Variants in PCID2 observed in about 807,000 individuals in gnomAD.
PCID2 encodes PCI domain-containing protein 2.
In PCID2, 41 loss-of-function variants were observed where a neutral mutation model predicts 61.3. The observed-to-expected ratio is 0.67, with a 90% confidence interval of 0.52 to 0.87. The LOEUF is 0.87. Among genes scored for constraint, PCID2 ranks in the 40% least tolerant of loss-of-function variants. The pLI is 0.00. For synonymous variants in PCID2, 187 were observed against 177.8 expected (o/e 1.05, Z -0.41); for missense variants, 392 against 493.4 (o/e 0.79, Z 1.95).
chr13:113,208,664 C>T lies in PCID2; in HGVS notation c.-30G>A, dbSNP rs1216123754. 4 of 1,598,060 alleles carry T rather than the reference C, an allele frequency of 2.5e-6. No homozygotes were observed. The highest frequency in any genetic ancestry group is 2.6e-6 in the Non-Finnish European group (3 of 1,173,240). Reference sequence around the variant, plus strand: ...GCGCCGCCGAACGGAGAGCGCCACCCCCTACGCCTCAAGCGGGCCAGCTGG... The same window carrying T: ...GCGCCGCCGAACGGAGAGCGCCACCTCCTACGCCTCAAGCGGGCCAGCTGG... On this transcript the variant is annotated 5_prime_UTR_variant, in exon 1 of 14. Coordinates refer to ENST00000337344, the MANE Select transcript of PCID2 (RefSeq NM_001127202.4).
At position 113,178,145 on chromosome 13, in the gene PCID2, A is replaced by G; in HGVS notation, c.*53T>C. 1 of 1,408,398 alleles carries G rather than the reference A, an allele frequency of 7.1e-7. No homozygotes were observed. Among genetic ancestry groups the G allele is most frequent in the Non-Finnish European group, 1.0e-6 (1 of 995,222 alleles). 87.2% of individuals were successfully genotyped at this position (1,408,398 alleles called of 1,614,324 possible). A position where few individuals can be genotyped will look rare whatever the true frequency, so the allele number is the denominator to read the frequency against. On this transcript the variant is annotated 3_prime_UTR_variant, in exon 14 of 14. Coordinates refer to ENST00000337344, the MANE Select transcript of PCID2 (RefSeq NM_001127202.4). ...AGTACCGGACCGGTCTCATCAGCAC[A>G]ACCAAAGTGGAAAGAAACAACTGCT...
chr13:113,169,991 G>A, the PCID2 span, among the ~76,000 whole-genome samples: 9 of 152,262 alleles, frequency 5.9e-5, no homozygotes, highest in African/African-American at 1.9e-4. Context: ...TTCAATTTAG[G>A]GAGTCAGCAG....
At position 113,190,684 on chromosome 13, in the gene PCID2, T is replaced by C. The variant is rs1595204221; in HGVS notation, c.467+188A>G. ...AATGTGGGCAAATGAAGACTCTTTT[T>C]TCCCTCAGCTCTTATTTCCTTTACA... On this transcript the variant is annotated intron_variant, in intron 7 of 13. Transcript: ENST00000337344. 6.9e-6 allele frequency: 3 copies of C among 433,456 alleles called. No homozygotes were observed. The South Asian group carries it at 1.8e-4, about 26-fold the overall frequency. 26.9% of individuals were successfully genotyped at this position (433,456 alleles called of 1,614,324 possible).
Position 113,178,170 on chromosome 13 carries a change from T to C in PCID2, c.*28A>G, listed in dbSNP as rs1304057294. 4 of 1,559,200 alleles carry C rather than the reference T, an allele frequency of 2.6e-6. No individual in the cohort carries two copies. The highest frequency in any genetic ancestry group is 3.5e-6 in the Non-Finnish European group (4 of 1,130,720). On this transcript the variant is annotated 3_prime_UTR_variant, in exon 14 of 14. Transcript: ENST00000337344. ...AACCAAAGTGGAAAGAAACAACTGC[T>C]CACCCGTCCTCGGGGCTCCGTGTAC...
Position 113,195,141 on chromosome 13 carries a change from G to A in PCID2, c.309-16C>T, listed in dbSNP as rs1024546602. On this transcript the variant is annotated splice_polypyrimidine_tract_variant and intron_variant, in intron 5 of 13. Transcript: ENST00000337344. ...AGGCAGAGCCCTGCAGGGCAAAAAA[G>A]TAAACAAGTGTGAGGGGCTACGTGG... The A allele has an allele frequency of 4.4e-6, 7 of 1,580,736 alleles. No individual in the cohort carries two copies. The Admixed American group carries it at 5.0e-5, about 11-fold the overall frequency.
chr13:113,174,364 A>G (rs999101221), downstream of PCID2, among the ~76,000 whole-genome samples: 2 of 152,242 alleles, frequency 1.3e-5, no homozygotes, highest in African/African-American at 4.8e-5. Flanking sequence ...CCAGACTGTC[A>G]GCAGAGACAT....
At chr13:113,194,285 T>C (rs1275503520) in intron 6 of PCID2, among the ~76,000 whole-genome samples, 2 of 152,168 alleles carry the variant, frequency 1.3e-5, no homozygotes, top group Admixed American at 1.3e-4. Flanking sequence ...GATTGGACTG[T>C]CTTCCCAGCC....
intron 4 of PCID2, 74 bp downstream of exon 4, chr13:113,197,104 T>G: frequency 5.6e-6 from 9 of 1,614,202 alleles, no homozygotes; most frequent in Non-Finnish European, 7.6e-6. Context: ...GCCCAGTGTT[T>G]CCGGGTCTCA....
At position 113,178,155 on chromosome 13, in the gene PCID2, G is replaced by T; in HGVS notation, c.*43C>A. On this transcript the variant is annotated 3_prime_UTR_variant, in exon 14 of 14. Transcript: ENST00000337344. Reference sequence around the variant, plus strand: ...CGGTCTCATCAGCACAACCAAAGTGGAAAGAAACAACTGCTCACCCGTCCT... The same window carrying T: ...CGGTCTCATCAGCACAACCAAAGTGTAAAGAAACAACTGCTCACCCGTCCT... 6.8e-7 allele frequency: 1 copy of T among 1,480,742 alleles called. No homozygotes were observed. Among genetic ancestry groups the T allele is most frequent in the South Asian group, 1.1e-5 (1 of 88,128 alleles). 91.7% of individuals were successfully genotyped at this position (1,480,742 alleles called of 1,614,324 possible).
At chr13:113,204,800 T>G (rs1176072119) in intron 1 of PCID2, among the ~76,000 whole-genome samples, 6 of 152,192 alleles carry the variant, frequency 3.9e-5, no homozygotes, top group South Asian at 4.1e-4. Context: ...AAGGTGCGAC[T>G]GGCGCCGCAG....
At position 113,179,104 on chromosome 13, in the gene PCID2, G is replaced by A. The variant is rs1221093125; in HGVS notation, c.987-15C>T. ...GTAACAAATACCTGGAAGAGGGGAG[G>A]AGAAGGGCACTGTGGTTACCGACAG... is the stretch of plus-strand genomic sequence containing the variant. On this transcript the variant is annotated splice_polypyrimidine_tract_variant and intron_variant, in intron 12 of 13. Coordinates refer to ENST00000337344, the MANE Select transcript of PCID2 (RefSeq NM_001127202.4). This position sits in a 1 kb window ranked among gnomAD's most constrained non-coding sequence, Gnocchi z 4.3. The A allele has an allele frequency of 1.9e-6, 3 of 1,611,496 alleles. No individual in the cohort carries two copies. Among genetic ancestry groups the A allele is most frequent in the East Asian group, 2.2e-5 (1 of 44,862 alleles).
downstream of PCID2, among the ~76,000 whole-genome samples, chr13:113,176,501 C>G: frequency 6.6e-6 from 1 of 152,306 alleles, no homozygotes; most frequent in African/African-American, 2.4e-5. Flanking sequence ...GTGGCACATG[C>G]CTGTCACCCC....
chr13:113,170,896 C>T, the PCID2 span, among the ~76,000 whole-genome samples: 1 of 151,424 alleles, frequency 6.6e-6, no homozygotes, highest in Non-Finnish European at 1.5e-5. Flanking sequence ...AGGCAGTGGC[C>T]TTCTCATCGG....
chr13:113,165,693 G>A, the PCID2 span, among the ~76,000 whole-genome samples: 4 of 152,206 alleles, frequency 2.6e-5, no homozygotes, highest in Middle Eastern at 3.4e-3. Flanking sequence ...ACCACGCCCG[G>A]CTGATTTTTA....
downstream of PCID2, among the ~76,000 whole-genome samples, chr13:113,176,776 G>A (rs1215365455): frequency 6.6e-6 from 1 of 152,074 alleles, no homozygotes; most frequent in African/African-American, 2.4e-5. Context: ...AAAGGAGGGA[G>A]AGAGTCATCT....
chr13:113,180,061 C>A lies in PCID2; in HGVS notation c.861-19G>T. The A allele has an allele frequency of 1.9e-6, 3 of 1,613,650 alleles. No homozygotes were observed. The highest frequency in any genetic ancestry group is 2.5e-6 in the Non-Finnish European group (3 of 1,179,750). The stretch of plus-strand genomic sequence containing the variant: ...GCCCTCGCTGGTGAGGGGGGAGGCG[C>A]GTCAGAAGGAGGGTGAGTTTCTCAC... On this transcript the variant is annotated intron_variant, in intron 11 of 13. Transcript: ENST00000337344.
the PCID2 span, among the ~76,000 whole-genome samples, chr13:113,167,716 G>C: frequency 6.6e-6 from 1 of 152,032 alleles, no homozygotes; most frequent in Non-Finnish European, 1.5e-5. Flanking sequence ...TATATAATTG[G>C]CTTTCATTTT....
chr13:113,182,953 A>G (rs1390198054), intron 9 of PCID2, among the ~76,000 whole-genome samples: 1 of 152,242 alleles, frequency 6.6e-6, no homozygotes, highest in Non-Finnish European at 1.5e-5. Flanking sequence ...ACATACAACA[A>G]CTGAGATACT....
At chr13:113,202,798 G>A (rs1404409547) in intron 1 of PCID2, among the ~76,000 whole-genome samples, 1 of 152,118 alleles carries the variant, frequency 6.6e-6, no homozygotes, top group Non-Finnish European at 1.5e-5. Context: ...AATGAGGTGA[G>A]AGAGAGAAGG....
Sources: gnomAD v4.1 joint callset for allele counts (sites outside exome capture counted in the v4.1 genomes callset) on GRCh38, gnomAD v4.1.1 for gene constraint, Gnocchi (gnomAD v3.1) non-coding constraint, MANE v1.5 for transcripts, NCBI Gene and HGNC (gene_info 2026-07-23, HGNC 2026-07-21) for gene names.